The following CHLSN variants were observed in gnomAD, a reference collection of about 807,000 sequenced individuals.
The protein encoded by CHLSN is cholesin.
chr7:1,129,652 C>T, the CHLSN span, among the ~76,000 whole-genome samples: 2 of 152,216 alleles, frequency 1.3e-5, no homozygotes, highest in Non-Finnish European at 2.9e-5. Context: ...CTATGCTGCC[C>T]AGGATGGTCT....
At chr7:1,033,940 G>A in the CHLSN span, among the ~76,000 whole-genome samples, 1 of 152,230 alleles carries the variant, frequency 6.6e-6, no homozygotes, top group Non-Finnish European at 1.5e-5. Flanking sequence ...TGTCCCCACT[G>A]CTATCCAGCA....
the CHLSN span, among the ~76,000 whole-genome samples, chr7:1,105,610 T>C: frequency 6.6e-6 from 1 of 152,206 alleles, no homozygotes; most frequent in Non-Finnish European, 1.5e-5. Context: ...ACCAAATATT[T>C]CTCTTTATTT....
At chr7:1,075,367 C>CG in the CHLSN span, among the ~76,000 whole-genome samples, 1 of 151,724 alleles carries the variant, frequency 6.6e-6, no homozygotes, top group South Asian at 2.1e-4. Context: ...AAAAATTAGC[C>CG]GGGGAAAAAT....
At chr7:988,907 C>A in the CHLSN span, 4 of 871,344 alleles carry the variant, frequency 4.6e-6, no homozygotes, top group East Asian at 1.1e-4. Context: ...CCCCACAGCT[C>A]GGACTGCTCT....
chr7:987,070 C>G, the CHLSN span: 108 of 1,472,192 alleles, frequency 7.3e-5, no homozygotes, highest in Non-Finnish European at 9.5e-5. Context: ...GGACAGACCC[C>G]AGATCATCCC....
the CHLSN span, among the ~76,000 whole-genome samples, chr7:1,001,557 A>T: frequency 1.8e-5 from 2 of 109,500 alleles, no homozygotes; most frequent in Non-Finnish European, 3.6e-5. Context: ...GGGTGAGTGG[A>T]GCCCTGTGGG....
chr7:1,081,480 T>A, the CHLSN span, among the ~76,000 whole-genome samples: 11 of 152,256 alleles, frequency 7.2e-5, no homozygotes, highest in East Asian at 1.9e-3. Context: ...GAGCGGGGCT[T>A]GGCACGGCGC....
chr7:1,002,438 C>G, the CHLSN span, among the ~76,000 whole-genome samples: 1 of 59,144 alleles, frequency 1.7e-5, no homozygotes, highest in African/African-American at 7.1e-5. Flanking sequence ...GGTGGGGAGT[C>G]CTGTGGGTGA....
the CHLSN span, among the ~76,000 whole-genome samples, chr7:1,096,215 C>A: frequency 6.6e-6 from 1 of 152,216 alleles, no homozygotes; most frequent in African/African-American, 2.4e-5. This position sits in a 1 kb window ranked among gnomAD's most constrained non-coding sequence, Gnocchi z 4.6. Flanking sequence ...GGGGACTTGC[C>A]CAAGGCTCTG....
chr7:1,064,294 C>G, the CHLSN span, among the ~76,000 whole-genome samples: 2 of 152,144 alleles, frequency 1.3e-5, no homozygotes, highest in Admixed American at 6.5e-5. Context: ...CCCTTAGCAG[C>G]CACAGAACAG....
At chr7:1,092,644 G>A in the CHLSN span, 1 of 1,612,808 alleles carries the variant, frequency 6.2e-7, no homozygotes, top group African/African-American at 1.3e-5. Context: ...CCCCCTCACG[G>A]GCCACATTGT....
the CHLSN span, chr7:1,091,956 C>T: frequency 6.2e-7 from 1 of 1,613,972 alleles, no homozygotes; most frequent in South Asian, 1.1e-5. Context: ...GCTTTGTGGG[C>T]AACATCCTGA....
At chr7:1,016,609 C>T in the CHLSN span, among the ~76,000 whole-genome samples, 1 of 143,662 alleles carries the variant, frequency 7.0e-6, no homozygotes, top group Non-Finnish European at 1.5e-5. Context: ...CAGCGTACAG[C>T]AGCGCACGCC....
At chr7:1,017,568 CAGCGGGGT>C in the CHLSN span, among the ~76,000 whole-genome samples, 1 of 152,202 alleles carries the variant, frequency 6.6e-6, no homozygotes, top group Admixed American at 6.5e-5. Context: ...GGGCTCCACA[CAGCGGGGT>C]GGAGGACAGC....
chr7:983,342 T>A, the CHLSN span: 2 of 1,537,944 alleles, frequency 1.3e-6, no homozygotes, highest in African/African-American at 1.4e-5. Context: ...GTCGGGAACC[T>A]GCACTTGCTG....
chr7:981,343 T>C, the CHLSN span, among the ~76,000 whole-genome samples: 1 of 151,236 alleles, frequency 6.6e-6, no homozygotes, highest in Non-Finnish European at 1.5e-5. Flanking sequence ...CGGCCCGGCA[T>C]TGGCTCATGC....
the CHLSN span, chr7:986,325 C>T: frequency 6.7e-6 from 3 of 450,100 alleles, no homozygotes. Flanking sequence ...CCATGACTCA[C>T]AGGAGGTTCA....
the CHLSN span, chr7:997,823 G>A: frequency 1.9e-6 from 3 of 1,599,820 alleles, no homozygotes; most frequent in Non-Finnish European, 1.7e-6. Context: ...GAAAGAGATC[G>A]AGTTGGTCAG....
At chr7:1,118,085 A>T in the CHLSN span, among the ~76,000 whole-genome samples, 1 of 152,248 alleles carries the variant, frequency 6.6e-6, no homozygotes, top group South Asian at 2.1e-4. Context: ...AACTGAGACC[A>T]AAACAAGAAA....
Sources: allele counts gnomAD v4.1 joint callset (sites outside exome capture counted in the v4.1 genomes callset), GRCh38; gene constraint gnomAD v4.1.1; non-coding constraint Gnocchi (gnomAD v3.1); transcripts MANE v1.5; gene names NCBI Gene and HGNC (gene_info 2026-07-23, HGNC 2026-07-21).